Variants in NDRG4 observed in about 807,000 individuals in gnomAD.
The protein encoded by NDRG4 is protein NDRG4.
Under a neutral mutation model 55.8 loss-of-function variants are expected in NDRG4, and 38 were observed. That is an observed-to-expected ratio of 0.68 (90% CI 0.53 to 0.89). The LOEUF (loss-of-function observed/expected upper bound fraction) is 0.89, where lower values mean the gene tolerates loss of function less well. Ranked by LOEUF, NDRG4 falls within the 40% of genes least tolerant of loss-of-function variation. The probability of loss-of-function intolerance (pLI) is 0.00; values close to 1 mark genes in which losing one functional copy is unlikely to be tolerated. For synonymous variants in NDRG4, 190 were observed against 182.7 expected (o/e 1.04, Z -0.32); for missense variants, 455 against 468.6 (o/e 0.97, Z 0.27).
chr16:58,515,233 T>G (rs1431541825), downstream of NDRG4, among the ~76,000 whole-genome samples: 5 of 152,194 alleles, frequency 3.3e-5, no homozygotes, highest in Admixed American at 3.3e-4. Flanking sequence ...ATTTTGTTCT[T>G]GCACCCAGAC....
chr16:58,508,839 G>C, intron 10 of NDRG4, 123 bp from the exon 11 acceptor site: 1 of 1,031,890 alleles, frequency 9.7e-7, no homozygotes, highest in Non-Finnish European at 1.5e-6. Context: ...TGTCACAGCT[G>C]CTGGGCCTCC....
intron 2 of NDRG4, among the ~76,000 whole-genome samples, chr16:58,493,249 G>A (rs2036001028): frequency 6.6e-6 from 1 of 152,136 alleles, no homozygotes; most frequent in Non-Finnish European, 1.5e-5. Context: ...GACTGTCTCA[G>A]TCATCCGTGG....
rs755021501 is a variant in NDRG4 at position 58,511,413 on chromosome 16, T to C, written c.905-9T>C. ...CCAGTCCTCAGGCCCATCCTGTCTC[T>C]GTCCACAGTGCCCTCAGCCAGCATG... is the stretch of plus-strand genomic sequence containing the variant. On this transcript the variant is annotated splice_polypyrimidine_tract_variant and intron_variant, in intron 14 of 14. Coordinates refer to ENST00000570248, the MANE Select transcript of NDRG4 (RefSeq NM_001242835.2). The C allele has an allele frequency of 1.9e-6, 3 of 1,597,938 alleles. No homozygotes were observed. The African/African-American group carries it at 4.0e-5, about 21-fold the overall frequency.
At chr16:58,468,108 G>A (rs975281108) in intron 1 of NDRG4, among the ~76,000 whole-genome samples, 5 of 152,236 alleles carry the variant, frequency 3.3e-5, no homozygotes, top group Admixed American at 2.6e-4. Flanking sequence ...ACATCATGGG[G>A]AAGGCCAGGT....
chr16:58,512,347 G>C lies in NDRG4; in HGVS notation c.*771G>C. 3.1e-6 allele frequency: 1 copy of C among 327,060 alleles called. No homozygotes were observed. Among genetic ancestry groups the C allele is most frequent in the Non-Finnish European group, 6.0e-6 (1 of 167,330 alleles). 20.3% of individuals were successfully genotyped at this position (327,060 alleles called of 1,614,324 possible). A position where few individuals can be genotyped will look rare whatever the true frequency, so the allele number is the denominator to read the frequency against. ...CAGTGACCTGACTGGGGGTGAGGGA[G>C]AAGGAGGAGAGAGCCCATGTGTGGT... On this transcript the variant is annotated 3_prime_UTR_variant, in exon 15 of 15. Coordinates refer to ENST00000570248, the MANE Select transcript of NDRG4 (RefSeq NM_001242835.2).
At position 58,467,471 on chromosome 16, in the gene NDRG4, C is replaced by T. The variant is rs577314559; in HGVS notation, c.-24+3674C>T. Among the ~76,000 whole-genome samples the T allele has an allele frequency of 1.8e-4, 28 of 152,124 alleles. No individual in the cohort carries two copies. The East Asian group carries it at 5.2e-3, about 28-fold the overall frequency. The stretch of plus-strand genomic sequence containing the variant: ...GCAGTGGGCCAAGATTGCACCACTG[C>T]AGTCCAGCCTACGCAACAGAGCAAG... On this transcript the variant is annotated intron_variant, in intron 1 of 15. Transcript: ENST00000258187.
upstream of NDRG4, chr16:58,499,795 G>A (rs1424370352): frequency 6.8e-6 from 2 of 294,826 alleles, no homozygotes; most frequent in South Asian, 3.1e-5. Context: ...TGTCTGTGAC[G>A]ACCCTGTGTG....
intron 10 of NDRG4, 94 bp from the exon 11 acceptor site, chr16:58,508,868 C>CCTCT: frequency 7.1e-7 from 1 of 1,411,314 alleles, no homozygotes. Flanking sequence ...CCCTGCACCC[C>CCTCT]CTCTCCTCCC....
In NDRG4 at chr16:58,509,302, C is replaced by T; in HGVS notation, c.815C>T (p.Pro272Leu). 1.2e-6 allele frequency: 2 copies of T among 1,614,080 alleles called. No homozygotes were observed. Among genetic ancestry groups the T allele is most frequent in the Non-Finnish European group, 8.5e-7 (1 of 1,180,008 alleles). The change falls in exon 13 of 15, where the codon CCA (proline) becomes CTA (leucine). Residue 272 changes from proline (P) to leucine (L), a missense_variant and splice_region_variant. Transcript: ENST00000570248. ...DSGGLPQVTQ[P>L]GKLTEAFKYF... is the part of the protein sequence containing the mutation. ...ATGTGCTTGTCCTGCCCTCCGCAGC[C>T]AGGGAAGCTGACTGAAGCCTTCAAA...
chr16:58,480,018 G>T (rs1205090846), intron 1 of NDRG4, among the ~76,000 whole-genome samples: 2 of 152,186 alleles, frequency 1.3e-5, no homozygotes, highest in Admixed American at 1.3e-4. Flanking sequence ...ACCTGGTGGG[G>T]AGACTGGAGA....
intron 1 of NDRG4, chr16:58,501,926 A>G (rs1456602276): frequency 4.4e-6 from 2 of 451,172 alleles, no homozygotes; most frequent in African/African-American, 2.0e-5. Flanking sequence ...CCCCAGGAGG[A>G]TAACTGTCCT....
chr16:58,515,288 GTA>G (rs2039075773), downstream of NDRG4, among the ~76,000 whole-genome samples: 1 of 152,242 alleles, frequency 6.6e-6, no homozygotes, highest in Admixed American at 6.5e-5. Flanking sequence ...GGCCAGGGCT[GTA>G]CCTGGCTCAG....
rs1436073684 is a variant in NDRG4 at position 58,510,644 on chromosome 16, G to A, written c.866-1G>A. On this transcript the variant is annotated splice_acceptor_variant, in intron 13 of 14. Coordinates refer to ENST00000570248, the MANE Select transcript of NDRG4 (RefSeq NM_001242835.2). LOFTEE classifies it high-confidence loss of function. ...CTCTCCGGCTCTGTCTTCTCTCTTA[G>A]TTGCGTACTTGAAGGACCGAAGGCT... 2 of 1,535,794 alleles carry A rather than the reference G, an allele frequency of 1.3e-6. No homozygotes were observed. The highest frequency in any genetic ancestry group is 1.2e-5 in the South Asian group (1 of 84,046).
chr16:58,471,849 A>G (rs2032885965), intron 1 of NDRG4, among the ~76,000 whole-genome samples: 2 of 152,056 alleles, frequency 1.3e-5, no homozygotes. Context: ...GAGGGGACAG[A>G]GGGAATATTT....
chr16:58,492,985 T>C (rs930051519), intron 2 of NDRG4, among the ~76,000 whole-genome samples: 20 of 152,118 alleles, frequency 1.3e-4, no homozygotes, highest in Non-Finnish European at 2.2e-4. Context: ...CCATTCTCTA[T>C]GTGACAGTCG....
upstream of NDRG4, among the ~76,000 whole-genome samples, chr16:58,496,553 G>T (rs898060445): frequency 2.0e-5 from 3 of 152,074 alleles, no homozygotes; most frequent in South Asian, 2.1e-4. Context: ...GGCAGCCAGT[G>T]GGGGAGGTAG....
chr16:58,508,838 T>C, intron 10 of NDRG4, 124 bp from the exon 11 acceptor site: 1 of 1,016,314 alleles, frequency 9.8e-7, no homozygotes, highest in Admixed American at 2.0e-5. Flanking sequence ...CTGTCACAGC[T>C]GCTGGGCCTC....
intron 1 of NDRG4, among the ~76,000 whole-genome samples, chr16:58,485,216 C>T (rs1043799470): frequency 1.3e-5 from 2 of 152,272 alleles, no homozygotes; most frequent in East Asian, 1.9e-4. Context: ...TCTCTGCCAC[C>T]GTGCTGTGGA....
chr16:58,482,395 GC>G (rs1280253652), intron 1 of NDRG4, among the ~76,000 whole-genome samples: 2 of 152,076 alleles, frequency 1.3e-5, no homozygotes, highest in Admixed American at 1.3e-4. Flanking sequence ...CTTCTCCTGA[GC>G]CCTCTAACTT....
Sources: gnomAD v4.1 joint callset for allele counts (sites outside exome capture counted in the v4.1 genomes callset) on GRCh38, gnomAD v4.1.1 for gene constraint, MANE v1.5 for transcripts, NCBI Gene and HGNC (gene_info 2026-07-23, HGNC 2026-07-21) for gene names.